The following PRPF6 variants were observed in gnomAD, a reference collection of about 807,000 sequenced individuals.
The protein encoded by PRPF6 is pre-mRNA-processing factor 6.
A neutral mutation model predicts 118.3 loss-of-function variants in PRPF6; 42 were observed. The ratio of observed to expected loss-of-function variants is 0.35; its 90% CI spans 0.28 to 0.46. PRPF6 has a LOEUF of 0.46. PRPF6 is among the 20% of genes least tolerant of loss of function. The probability of loss-of-function intolerance (pLI) is 1.00; values close to 1 mark genes in which losing one functional copy is unlikely to be tolerated. For missense variants in PRPF6, 662 were observed against 1,255.7 expected (o/e 0.53, Z 7.15); for synonymous variants, 481 against 485.1 (o/e 0.99, Z 0.11).
intron 3 of PRPF6, 139 bp downstream of exon 3, chr20:63,985,164 G>C (rs2059087821): frequency 1.5e-6 from 1 of 670,634 alleles, no homozygotes; most frequent in Non-Finnish European, 2.6e-6. Context: ...AGGGGTTTGA[G>C]ACCAGTGTGG....
intron 9 of PRPF6, among the ~76,000 whole-genome samples, chr20:64,009,897 T>G (rs2059208223): frequency 6.6e-6 from 1 of 152,226 alleles, no homozygotes; most frequent in Non-Finnish European, 1.5e-5. Flanking sequence ...GTTTTGGGAC[T>G]GGTTTCTTTT....
rs148539003 is a variant in PRPF6, at chr20:64,023,981, G to A, written c.1770-574G>A. On this transcript the variant is annotated intron_variant, in intron 13 of 20. Coordinates refer to ENST00000266079, the MANE Select transcript of PRPF6 (RefSeq NM_012469.4). Reference sequence around the variant, plus strand: ...TGCTCCACACAGTGTGATTGTGTGTGGTCACTTTGTCTTGCTGTCGCACTC... The same window carrying A: ...TGCTCCACACAGTGTGATTGTGTGTAGTCACTTTGTCTTGCTGTCGCACTC... Among the ~76,000 whole-genome samples, 407 of 152,274 alleles carry A rather than the reference G, an allele frequency of 2.7e-3. 3 individuals are homozygous for A. The highest frequency in any genetic ancestry group is 9.3e-3 in the African/African-American group (388 of 41,544).
chr20:64,015,767 A>T (rs1289247413), intron 11 of PRPF6, among the ~76,000 whole-genome samples: 1 of 152,212 alleles, frequency 6.6e-6, no homozygotes, highest in Non-Finnish European at 1.5e-5. Context: ...CAGTCAGCAC[A>T]TGTTTCAATG....
chr20:63,999,772 C>T lies in PRPF6; in HGVS notation c.1023+13C>T. On this transcript the variant is annotated intron_variant, in intron 8 of 20. Transcript: ENST00000266079. ...GATGTGCCCCAAGGTGAGGTATTTC[C>T]TGGGAGGCGTTTCCTGGGAGGCTGC... The T allele has an allele frequency of 6.2e-7, 1 of 1,612,214 alleles. No homozygotes were observed. Among genetic ancestry groups the T allele is most frequent in the Non-Finnish European group, 8.5e-7 (1 of 1,179,746 alleles).
chr20:64,016,575 A>G, intron 11 of PRPF6, 148 bp from the exon 12 acceptor site: 2 of 979,540 alleles, frequency 2.0e-6, no homozygotes, highest in East Asian at 2.6e-5. Flanking sequence ...CGTGCAGTAG[A>G]CTCACTTCCT....
In PRPF6 at chr20:64,032,866, G is replaced by A. The variant is rs527892521; in HGVS notation, c.2699G>A (p.Arg900His). ...GAGCAGCAGGAGGAGGTGAGGAAGCGCTGTGAGAGTGCAGAGCCTCGGCAT... is the reference window on the plus strand; with the variant it reads ...GAGCAGCAGGAGGAGGTGAGGAAGCACTGTGAGAGTGCAGAGCCTCGGCAT... ...TEEQQEEVRK[R>H]CESAEPRHGE... is the part of the protein sequence containing the mutation. Residue 900 changes from arginine (R) to histidine (H), a missense_variant, in exon 21 of 21, where the codon CGC becomes CAC. By Grantham distance (29) the Arg-to-His change is conservative (BLOSUM62 0). This residue lies in a region of PRPF6 where 244 missense variants were observed against 383.7 expected (regional missense o/e 0.64). Transcript: ENST00000266079. The A allele has an allele frequency of 1.6e-5, 26 of 1,611,922 alleles. No homozygotes were observed. The East Asian group carries it at 3.3e-4, about 21-fold the overall frequency.
intron 1 of PRPF6, 140 bp from the exon 2 acceptor site, chr20:63,982,907 T>G: frequency 1.0e-6 from 1 of 980,776 alleles, no homozygotes; most frequent in Non-Finnish European, 1.5e-6. Context: ...TGTTTGAGAC[T>G]GCAGTTCATT....
At chr20:63,981,868 A>C (rs2059070484) in intron 1 of PRPF6, among the ~76,000 whole-genome samples, 1 of 152,072 alleles carries the variant, frequency 6.6e-6, no homozygotes, top group Non-Finnish European at 1.5e-5. Flanking sequence ...TATTACCATA[A>C]ATAAGTACGT....
At chr20:64,006,962 G>A (rs535819754) in intron 9 of PRPF6, among the ~76,000 whole-genome samples, 8 of 152,248 alleles carry the variant, frequency 5.3e-5, no homozygotes, top group Non-Finnish European at 1.2e-4. Flanking sequence ...CAGTGCCAGT[G>A]TGCTGTGCAG....
intron 6 of PRPF6, 105 bp downstream of exon 6, chr20:63,995,587 TCTCCTCCTC>T: frequency 7.7e-7 from 1 of 1,296,436 alleles, no homozygotes; most frequent in Non-Finnish European, 1.1e-6. Flanking sequence ...TTCTCCTCCT[TCTCCTCCTC>T]CTCCTTCTTC....
At chr20:64,005,617 G>T (rs972099620) in intron 9 of PRPF6, among the ~76,000 whole-genome samples, 5 of 152,036 alleles carry the variant, frequency 3.3e-5, no homozygotes, top group African/African-American at 1.2e-4. Context: ...TCGTCCTATT[G>T]CCCAGGCTGG....
intron 8 of PRPF6, among the ~76,000 whole-genome samples, chr20:63,999,962 T>TTTTTTTGGAGACGGAG (rs2059159202): frequency 6.6e-6 from 1 of 151,624 alleles, no homozygotes. Flanking sequence ...CCACTTTTTT[T>TTTTTTTGGAGACGGAG]TTTTTTGGAG....
intron 9 of PRPF6, among the ~76,000 whole-genome samples, chr20:64,006,872 TC>T (rs1785788845): frequency 6.6e-6 from 1 of 152,198 alleles, no homozygotes; most frequent in Non-Finnish European, 1.5e-5. Context: ...TCTGCCTGAA[TC>T]GGTGAATTCA....
chr20:64,024,306 C>T (rs147271075), intron 13 of PRPF6, among the ~76,000 whole-genome samples: 3 of 152,142 alleles, frequency 2.0e-5, no homozygotes, highest in African/African-American at 4.8e-5. Context: ...TTGTGAAGTT[C>T]GTCTCTCCAG....
chr20:63,984,598 T>A lies in PRPF6; in HGVS notation c.241-309T>A, dbSNP rs2059085599. ...ACATTGACACAGTACTATTAACTAA[T>A]TTGTCAGTCGTATTTGCATTTCATG... On this transcript the variant is annotated intron_variant, in intron 2 of 20. Coordinates refer to ENST00000266079, the MANE Select transcript of PRPF6 (RefSeq NM_012469.4). Among the ~76,000 whole-genome samples, 5 of 152,158 alleles carry A rather than the reference T, an allele frequency of 3.3e-5. No individual in the cohort carries two copies. The South Asian group carries it at 8.3e-4, about 25-fold the overall frequency.
intron 4 of PRPF6, 133 bp from the exon 5 acceptor site, chr20:63,994,783 A>G: frequency 2.5e-6 from 3 of 1,188,510 alleles, no homozygotes; most frequent in Non-Finnish European, 3.6e-6. Flanking sequence ...CAAAAGTAAA[A>G]AACAGTTGCT....
intron 11 of PRPF6, among the ~76,000 whole-genome samples, chr20:64,013,588 C>A (rs559330581): frequency 6.6e-6 from 1 of 152,086 alleles, no homozygotes; most frequent in African/African-American, 2.4e-5. Flanking sequence ...GGACTACAGG[C>A]GTGTGCCACC....
intron 6 of PRPF6, among the ~76,000 whole-genome samples, chr20:63,998,036 A>G (rs116842373): frequency 0.016 from 2,466 of 152,296 alleles, 38 homozygotes; most frequent in Admixed American, 0.02. Flanking sequence ...TGCTGTGAAT[A>G]CGGGTGTACA....
intron 3 of PRPF6, among the ~76,000 whole-genome samples, 177 bp from the exon 4 acceptor site, chr20:63,993,226 ATGTG>A (rs61077852): frequency 0.017 from 2,182 of 129,170 alleles, 25 homozygotes; most frequent in East Asian, 0.038. Context: ...AAAAAAAAAA[ATGTG>A]TGTGTGTGTG....
Sources: gnomAD v4.1 joint callset for allele counts (sites outside exome capture counted in the v4.1 genomes callset) on GRCh38, gnomAD v4.1.1 for gene constraint, gnomAD v4.1.1 regional missense constraint, MANE v1.5 for transcripts, NCBI Gene and HGNC (gene_info 2026-07-23, HGNC 2026-07-21) for gene names.